Variants in SPOCK3 observed in about 807,000 individuals in gnomAD.
The protein encoded by SPOCK3 is SPARC (osteonectin), cwcv and kazal like domains proteoglycan 3.
SPOCK3 carries 30 observed loss-of-function variants against 56.6 expected under a neutral mutation model. The ratio of observed to expected loss-of-function variants is 0.53; its 90% confidence interval spans 0.40 to 0.72. The LOEUF is 0.72. SPOCK3 is among the 30% of genes least tolerant of loss of function. The probability of loss-of-function intolerance (pLI) is 0.00; values close to 1 mark genes in which losing one functional copy is unlikely to be tolerated. For missense variants in SPOCK3, 527 were observed against 530.0 expected, an observed-to-expected ratio of 0.99 and a Z score of 0.06; for synonymous variants, 196 against 183.3, an observed-to-expected ratio of 1.07 and a Z score of -0.56.
intron 5 of SPOCK3, among the ~76,000 whole-genome samples, chr4:166,901,957 T>C (rs770114758): frequency 6.6e-6 from 1 of 152,100 alleles, no homozygotes; most frequent in African/African-American, 2.4e-5. Context: ...AGGAACATTC[T>C]CTAGAAGCCA....
chr4:166,898,349 C>T (rs1040495364), intron 5 of SPOCK3, among the ~76,000 whole-genome samples: 8 of 151,980 alleles, frequency 5.3e-5, no homozygotes, highest in African/African-American at 1.9e-4. Context: ...TCTCTCTCTC[C>T]AAGTGAGACA....
At position 166,934,348 on chromosome 4, in the gene SPOCK3, AT is replaced by A. The variant is rs149131296; in HGVS notation, c.351-21606del. On this transcript the variant is annotated intron_variant, in intron 4 of 10. Coordinates refer to ENST00000357545, the MANE Select transcript of SPOCK3 (RefSeq NM_001040159.2). ...ACTAAAAATACAAAAAAAAAAAAAA[AT>A]TCGTCAGGTGTGGTGGGGGGCACCT... Among the ~76,000 whole-genome samples the A allele has an allele frequency of 1.7e-3, 258 of 149,906 alleles. 3 individuals are homozygous for A. The highest frequency in any genetic ancestry group is 5.8e-3 in the African/African-American group (235 of 40,612).
chr4:167,044,484 C>A (rs1257320571), intron 3 of SPOCK3, among the ~76,000 whole-genome samples: 1 of 151,506 alleles, frequency 6.6e-6, no homozygotes, highest in Non-Finnish European at 1.5e-5. Flanking sequence ...AATTTCTTTT[C>A]AAGTTTACTA....
Position 166,754,800 on chromosome 4 carries a change from A to G in SPOCK3, c.710-71T>C. ...CATTAGCAGAAAGCAAAATAAGTCA[A>G]CATAGCAGGTAGCTAGTGTAGGACA... On this transcript the variant is annotated intron_variant, in intron 7 of 10. Coordinates refer to ENST00000357545, the MANE Select transcript of SPOCK3 (RefSeq NM_001040159.2). 2.1e-6 allele frequency: 3 copies of G among 1,414,348 alleles called. 1 individual carries two copies. The Middle Eastern group carries it at 5.4e-4, about 254-fold the overall frequency. 87.6% of individuals were successfully genotyped at this position (1,414,348 alleles called of 1,614,324 possible).
intron 6 of SPOCK3, among the ~76,000 whole-genome samples, chr4:166,832,607 G>A (rs187968413): frequency 2.0e-4 from 30 of 152,166 alleles, no homozygotes; most frequent in African/African-American, 1.7e-4. Flanking sequence ...AAAGACACAC[G>A]TATATTCAAT....
At chr4:167,059,875 C>G (rs1277704167) in intron 3 of SPOCK3, among the ~76,000 whole-genome samples, 10 of 152,008 alleles carry the variant, frequency 6.6e-5, no homozygotes, top group Non-Finnish European at 1.3e-4. Flanking sequence ...AATTGGAAAT[C>G]ATCATTCTCA....
intron 5 of SPOCK3, among the ~76,000 whole-genome samples, chr4:166,903,738 C>A (rs928724238): frequency 1.3e-5 from 2 of 151,872 alleles, no homozygotes; most frequent in Non-Finnish European, 1.5e-5. Flanking sequence ...GCTTCAGATA[C>A]AAAAACATAC....
chr4:167,220,814 A>G (rs758335184), intron 2 of SPOCK3, among the ~76,000 whole-genome samples: 6 of 152,172 alleles, frequency 3.9e-5, no homozygotes, highest in Admixed American at 6.6e-5. Flanking sequence ...CTGTAGGGAT[A>G]AACATTACTA....
chr4:166,810,312 C>A (rs1363488315), intron 6 of SPOCK3, among the ~76,000 whole-genome samples: 2 of 152,054 alleles, frequency 1.3e-5, no homozygotes, highest in East Asian at 3.9e-4. Flanking sequence ...TAACATATCA[C>A]TAACATTAGT....
chr4:167,046,211 C>T (rs948191657), intron 3 of SPOCK3, among the ~76,000 whole-genome samples: 2 of 151,840 alleles, frequency 1.3e-5, no homozygotes. Context: ...AATGTGTTTC[C>T]CCTCTTCCTG....
intron 2 of SPOCK3, among the ~76,000 whole-genome samples, chr4:167,146,345 C>G (rs970740873): frequency 6.6e-6 from 1 of 152,080 alleles, no homozygotes; most frequent in African/African-American, 2.4e-5. Context: ...GACTTAGACT[C>G]CCACACAAGA....
chr4:166,739,528 G>A (rs1463746542), intron 9 of SPOCK3, among the ~76,000 whole-genome samples: 9 of 151,984 alleles, frequency 5.9e-5, no homozygotes, highest in Admixed American at 2.0e-4. Flanking sequence ...GGCATGAGCC[G>A]TCATCCCCGA....
At chr4:166,793,197 T>C (rs185052800) in intron 6 of SPOCK3, among the ~76,000 whole-genome samples, 32 of 152,276 alleles carry the variant, frequency 2.1e-4, no homozygotes, top group African/African-American at 7.5e-4. Context: ...CTAATACTCA[T>C]TTGTCCATTT....
At chr4:167,120,373 T>C (rs1241930505) in intron 2 of SPOCK3, among the ~76,000 whole-genome samples, 1 of 152,046 alleles carries the variant, frequency 6.6e-6, no homozygotes, top group Non-Finnish European at 1.5e-5. Flanking sequence ...AGTAAGGTTG[T>C]AGAAATTTTA....
intron 6 of SPOCK3, among the ~76,000 whole-genome samples, chr4:166,808,699 C>T (rs948791507): frequency 3.3e-5 from 5 of 152,074 alleles, no homozygotes; most frequent in Admixed American, 3.3e-4. Flanking sequence ...TACTACTTGC[C>T]ACCCTTGACT....
At chr4:167,076,415 CTG>C (rs1372798258) in intron 2 of SPOCK3, among the ~76,000 whole-genome samples, 1 of 151,654 alleles carries the variant, frequency 6.6e-6, no homozygotes, top group Admixed American at 6.6e-5. Context: ...TGGGAAAACT[CTG>C]TACCTTCTGC....
At chr4:166,817,858 T>C (rs1381248083) in intron 6 of SPOCK3, among the ~76,000 whole-genome samples, 4 of 152,010 alleles carry the variant, frequency 2.6e-5, no homozygotes, top group Non-Finnish European at 4.4e-5. Flanking sequence ...GATACACACA[T>C]AGTTATACAG....
At chr4:166,874,655 T>G (rs2126958363) in intron 6 of SPOCK3, among the ~76,000 whole-genome samples, 1 of 152,302 alleles carries the variant, frequency 6.6e-6, no homozygotes, top group South Asian at 2.1e-4. Flanking sequence ...ACTGTGAGTT[T>G]AAATACAGGA....
chr4:167,110,546 C>T (rs1760813472), intron 2 of SPOCK3, among the ~76,000 whole-genome samples: 1 of 151,762 alleles, frequency 6.6e-6, no homozygotes, highest in Admixed American at 6.6e-5. Context: ...AATGAAAGAT[C>T]AATGAACCAA....
Sources: gnomAD v4.1 joint callset for allele counts (sites outside exome capture counted in the v4.1 genomes callset) on GRCh38, gnomAD v4.1.1 for gene constraint, MANE v1.5 for transcripts, NCBI Gene and HGNC (gene_info 2026-07-23, HGNC 2026-07-21) for gene names.